The following GLDC variants were observed in gnomAD, a reference collection of about 807,000 sequenced individuals.
GLDC encodes glycine dehydrogenase (decarboxylating), mitochondrial.
GLDC carries 104 observed loss-of-function variants against 121.3 expected under a neutral mutation model. The observed-to-expected ratio is 0.86, with a 90% CI of 0.73 to 1.01. The LOEUF is 1.01. Among genes scored for constraint, GLDC ranks in the 50% least tolerant of loss-of-function variants. The pLI is 0.00. For synonymous variants in GLDC, 546 were observed against 480.6 expected (o/e 1.14, Z -1.78); for missense variants, 1,429 against 1,306.6 (o/e 1.09, Z -1.44).
intron 9 of GLDC, among the ~76,000 whole-genome samples, chr9:6,594,193 T>C (rs1235214030): frequency 1.3e-5 from 2 of 152,164 alleles, no homozygotes; most frequent in Non-Finnish European, 2.9e-5. Flanking sequence ...CTTTATTTTG[T>C]ATCTCTTTCA....
At chr9:6,645,151 G>C (rs1016872533) in intron 1 of GLDC, 94 bp downstream of exon 1, 2 of 1,275,404 alleles carry the variant, frequency 1.6e-6, no homozygotes, top group Non-Finnish European at 2.1e-6. Context: ...CACGCGGAGC[G>C]CAGCAGAGCT....
intron 3 of GLDC, among the ~76,000 whole-genome samples, chr9:6,614,828 A>C (rs1818936464): frequency 6.6e-6 from 1 of 152,208 alleles, no homozygotes; most frequent in Admixed American, 6.5e-5. Flanking sequence ...AGCCTACTAC[A>C]CACCTAGGCT....
chr9:6,555,129 T>G (rs1817595723), intron 18 of GLDC, among the ~76,000 whole-genome samples: 1 of 152,228 alleles, frequency 6.6e-6, no homozygotes, highest in African/African-American at 2.4e-5. Context: ...TCCATGTTGT[T>G]GAAATAGGCA....
chr9:6,572,052 G>C (rs185635498), intron 15 of GLDC, among the ~76,000 whole-genome samples: 1 of 152,030 alleles, frequency 6.6e-6, no homozygotes, highest in African/African-American at 2.4e-5. Context: ...AATGGATCAT[G>C]GACTTAAATG....
chr9:6,575,214 C>CAA (rs571198952), intron 15 of GLDC, among the ~76,000 whole-genome samples: 176 of 96,956 alleles, frequency 1.8e-3, no homozygotes, highest in Middle Eastern at 5.7e-3. Context: ...TCAAAAGAAG[C>CAA]AAAAAAAAAA....
chr9:6,544,592 T>C (rs1008475575), intron 21 of GLDC, among the ~76,000 whole-genome samples: 1 of 145,778 alleles, frequency 6.9e-6, no homozygotes, highest in Non-Finnish European at 1.5e-5. Context: ...TGAGCCGAGA[T>C]TGCACCACTG....
chr9:6,561,653 G>GA (rs56666104), intron 16 of GLDC, among the ~76,000 whole-genome samples: 71,601 of 151,694 alleles, frequency 0.47, 18,923 homozygotes, highest in African/African-American at 0.72. Context: ...TCTCTTGGGG[G>GA]AAAAAAATTG....
intron 2 of GLDC, among the ~76,000 whole-genome samples, chr9:6,623,491 G>T (rs1392916998): frequency 2.0e-5 from 3 of 150,234 alleles, no homozygotes; most frequent in Non-Finnish European, 4.4e-5. Flanking sequence ...AAGGCCGCAG[G>T]GTCCTCTGCC....
chr9:6,606,457 A>T (rs1432044333), intron 5 of GLDC, 135 bp downstream of exon 5: 1 of 721,380 alleles, frequency 1.4e-6, no homozygotes, highest in African/African-American at 1.7e-5. Context: ...GGCAAAACTC[A>T]GCAACCCCAA....
At chr9:6,619,437 T>A (rs554751372) in intron 3 of GLDC, among the ~76,000 whole-genome samples, 18 of 152,028 alleles carry the variant, frequency 1.2e-4, no homozygotes, top group African/African-American at 4.3e-4. Flanking sequence ...TTAAAAATCC[T>A]GACAGAAGGG....
intron 15 of GLDC, among the ~76,000 whole-genome samples, chr9:6,571,658 G>A (rs1348902366): frequency 6.6e-6 from 1 of 152,126 alleles, no homozygotes; most frequent in Non-Finnish European, 1.5e-5. Context: ...ATCCCAGGTG[G>A]GATGGAACAA....
At chr9:6,552,357 C>G (rs1038171092) in intron 20 of GLDC, among the ~76,000 whole-genome samples, 1 of 152,126 alleles carries the variant, frequency 6.6e-6, no homozygotes, top group Non-Finnish European at 1.5e-5. Context: ...ATACAAATAA[C>G]CCAGATTTAC....
rs1387492186 is a variant in GLDC at position 6,595,053 on chromosome 9, C to T, written c.1222G>A (p.Ala408Thr). ...AAAGTGGCATTATGTACCCTCCTAG[C>T]AATATGCTCCAGCCCATGGGAACCA... ...YHGSHGLEHI[A>T]RRVHNATLIL... The change falls in exon 9 of 25, where the codon GCT becomes ACT. Residue 408 changes from alanine (A) to threonine (T), a missense_variant. By Grantham distance (58) the Ala-to-Thr change is moderately conservative (BLOSUM62 0). Coordinates refer to ENST00000321612, the MANE Select transcript of GLDC (RefSeq NM_000170.3). 7.4e-6 allele frequency: 12 copies of T among 1,612,706 alleles called. No homozygotes were observed. In the East Asian group the frequency reaches 2.0e-4, roughly 27 times the overall value.
chr9:6,633,719 G>C (rs1198253349), intron 2 of GLDC, among the ~76,000 whole-genome samples: 1 of 151,640 alleles, frequency 6.6e-6, no homozygotes, highest in Non-Finnish European at 1.5e-5. Flanking sequence ...TCAGGAGCTC[G>C]AGACCAGCCT....
intron 2 of GLDC, among the ~76,000 whole-genome samples, chr9:6,629,929 C>CTGTATATATATATG (rs1819326380): frequency 9.8e-6 from 1 of 102,168 alleles, no homozygotes; most frequent in African/African-American, 4.8e-5. Context: ...TTGCTTTTCA[C>CTGTATATATATATG]TATATATATA....
intron 16 of GLDC, among the ~76,000 whole-genome samples, chr9:6,561,375 G>A (rs1478555264): frequency 2.6e-5 from 4 of 152,150 alleles, no homozygotes; most frequent in East Asian, 3.8e-4. Flanking sequence ...TTGGCCGGGC[G>A]AGGTTGCTCA....
At chr9:6,627,747 G>A (rs964649699) in intron 2 of GLDC, among the ~76,000 whole-genome samples, 4 of 152,112 alleles carry the variant, frequency 2.6e-5, no homozygotes, top group Non-Finnish European at 5.9e-5. Flanking sequence ...GAACAGAGGG[G>A]TAAGCTGCTT....
At chr9:6,540,176 T>C (rs780112276) in intron 21 of GLDC, 30 bp from the exon 22 acceptor site, 2 of 1,306,484 alleles carry the variant, frequency 1.5e-6, no homozygotes, top group Non-Finnish European at 2.2e-6. Context: ...CAGCCCAAGA[T>C]TAGCATCAGC....
chr9:6,616,304 T>A (rs1222968161), intron 3 of GLDC, among the ~76,000 whole-genome samples: 1 of 152,256 alleles, frequency 6.6e-6, no homozygotes, highest in Non-Finnish European at 1.5e-5. Context: ...TATGTAATAT[T>A]TCTCTCTCAA....
Sources: gnomAD v4.1 joint callset for allele counts (sites outside exome capture counted in the v4.1 genomes callset) on GRCh38, gnomAD v4.1.1 for gene constraint, MANE v1.5 for transcripts, NCBI Gene and HGNC (gene_info 2026-07-23, HGNC 2026-07-21) for gene names.